The following PTPRJ variants were observed in gnomAD, a reference collection of about 807,000 sequenced individuals.
PTPRJ encodes receptor-type tyrosine-protein phosphatase eta.
Under a neutral mutation model 141.3 loss-of-function variants are expected in PTPRJ, and 129 were observed. The observed-to-expected ratio is 0.91, with a 90% CI of 0.79 to 1.06. PTPRJ has a LOEUF of 1.06. Ranked by LOEUF, PTPRJ falls within the 50% of genes least tolerant of loss-of-function variation. PTPRJ has a pLI of 0.00. For missense variants in PTPRJ, 1,601 were observed against 1,679.7 expected (o/e 0.95, Z 0.82); for synonymous variants, 610 against 640.5 (o/e 0.95, Z 0.72).
rs776211910 is a variant in PTPRJ at position 48,112,910 on chromosome 11, C to T, written c.279C>T (p.Asn93=). ...TSEDGESSGA[N]DSLRTPEQGS... ...AGGATGGTGAAAGCTCTGGAGCCAA[C>T]GATAGTTTAAGAACACCTGAACAAG... Residue 93 remains asparagine, a synonymous_variant, in exon 3 of 25, where the codon AAC becomes AAT. Transcript: ENST00000418331. 4.3e-6 allele frequency: 7 copies of T among 1,614,086 alleles called. No individual in the cohort carries two copies. Among genetic ancestry groups the T allele is most frequent in the East Asian group, 2.2e-5 (1 of 44,882 alleles).
intron 1 of PTPRJ, among the ~76,000 whole-genome samples, chr11:48,023,654 C>T (rs148887694): frequency 0.064 from 9,669 of 151,840 alleles, 340 homozygotes; most frequent in African/African-American, 0.093. Context: ...TGGTGGTGCG[C>T]GCCTGTAGTC....
chr11:47,999,276 A>T (rs1004601449), intron 1 of PTPRJ, among the ~76,000 whole-genome samples: 1 of 152,222 alleles, frequency 6.6e-6, no homozygotes, highest in East Asian at 1.9e-4. Context: ...AGCTGAGGAC[A>T]CTGAGGCCCA....
intron 22 of PTPRJ, among the ~76,000 whole-genome samples, chr11:48,161,127 G>T (rs1204911310): frequency 7.5e-6 from 1 of 133,698 alleles, no homozygotes; most frequent in Non-Finnish European, 1.5e-5. Flanking sequence ...GCAGTGAACC[G>T]AGATTGTGCC....
intron 15 of PTPRJ, among the ~76,000 whole-genome samples, chr11:48,148,440 A>ATT (rs879923314): frequency 1.0e-4 from 15 of 143,966 alleles, no homozygotes; most frequent in African/African-American, 3.6e-4. Context: ...TTTCATCACA[A>ATT]TTTTTTTTTT....
intron 3 of PTPRJ, among the ~76,000 whole-genome samples, chr11:48,119,461 T>C (rs1011159028): frequency 1.3e-5 from 2 of 152,280 alleles, no homozygotes; most frequent in South Asian, 4.1e-4. Context: ...TGCAGTGGTG[T>C]GATCTTGGTT....
intron 1 of PTPRJ, among the ~76,000 whole-genome samples, chr11:47,997,537 T>C (rs1479401850): frequency 6.6e-6 from 1 of 152,210 alleles, no homozygotes; most frequent in African/African-American, 2.4e-5. Flanking sequence ...TCTGGGCATC[T>C]AGGTGTCGAG....
chr11:47,999,488 C>T (rs1444780842), intron 1 of PTPRJ, among the ~76,000 whole-genome samples: 2 of 152,216 alleles, frequency 1.3e-5, no homozygotes, highest in Non-Finnish European at 2.9e-5. Flanking sequence ...ACTTAGACCA[C>T]TGAGGTAGAA....
chr11:48,082,503 T>A (rs1855588045), intron 1 of PTPRJ, among the ~76,000 whole-genome samples: 1 of 151,368 alleles, frequency 6.6e-6, no homozygotes, highest in Admixed American at 6.6e-5. Flanking sequence ...GCAGCCTCTG[T>A]CTCCTGGGCT....
intron 1 of PTPRJ, among the ~76,000 whole-genome samples, chr11:48,048,051 C>T (rs138198756): frequency 1.5e-3 from 222 of 152,198 alleles, no homozygotes; most frequent in African/African-American, 4.8e-3. Context: ...TTTCAGTTGT[C>T]GTTGTCCATG....
chr11:48,115,804 C>G (rs940545364), intron 3 of PTPRJ, among the ~76,000 whole-genome samples: 1 of 152,052 alleles, frequency 6.6e-6, no homozygotes, highest in Non-Finnish European at 1.5e-5. Context: ...GGGGAATGGA[C>G]TAGAAGTGTA....
intron 13 of PTPRJ, 55 bp downstream of exon 13, chr11:48,144,940 C>T: frequency 6.2e-7 from 1 of 1,614,078 alleles, no homozygotes; most frequent in Non-Finnish European, 8.5e-7. Context: ...GCATAAAGCT[C>T]TACATGCCTG....
intron 1 of PTPRJ, among the ~76,000 whole-genome samples, chr11:47,994,664 C>A (rs1854283132): frequency 6.6e-6 from 1 of 150,712 alleles, no homozygotes; most frequent in African/African-American, 2.5e-5. Flanking sequence ...GATTCTGTCT[C>A]AAAAAAATAA....
intron 10 of PTPRJ, among the ~76,000 whole-genome samples, chr11:48,139,219 G>A (rs1003952141): frequency 6.6e-6 from 1 of 152,214 alleles, no homozygotes; most frequent in Non-Finnish European, 1.5e-5. Flanking sequence ...CTCTCATGGA[G>A]CCCTGGTCTC....
chr11:48,038,178 C>T (rs1332880732), intron 1 of PTPRJ, among the ~76,000 whole-genome samples: 1 of 152,134 alleles, frequency 6.6e-6, no homozygotes, highest in Admixed American at 6.6e-5. Context: ...CTTGGGCTGC[C>T]ATTCCTGCAG....
At chr11:48,166,622 G>A (rs1033132532) in intron 24 of PTPRJ, among the ~76,000 whole-genome samples, 11 of 152,098 alleles carry the variant, frequency 7.2e-5, no homozygotes, top group Admixed American at 7.2e-4. Context: ...GCCAGATCCT[G>A]TTTTATGTAT....
intron 1 of PTPRJ, among the ~76,000 whole-genome samples, chr11:47,998,970 A>AAGCC (rs1854420326): frequency 6.6e-6 from 1 of 152,222 alleles, no homozygotes; most frequent in Non-Finnish European, 1.5e-5. Context: ...GACTAGCCTC[A>AAGCC]AGCCAGCTGA....
At chr11:48,114,549 C>T (rs1368875457) in intron 3 of PTPRJ, among the ~76,000 whole-genome samples, 2 of 150,580 alleles carry the variant, frequency 1.3e-5, no homozygotes, top group African/African-American at 4.9e-5. Flanking sequence ...CCAGAAATCA[C>T]TGGACAGGCT....
In PTPRJ at chr11:48,159,966, C is replaced by G. The variant is rs183290463; in HGVS notation, c.3475C>G (p.Gln1159Glu). 9.3e-6 allele frequency: 15 copies of G among 1,613,940 alleles called. No homozygotes were observed. The highest frequency in any genetic ancestry group is 1.3e-5 in the Non-Finnish European group (15 of 1,179,884). The change falls in exon 22 of 25, where the codon CAG (glutamine) becomes GAG (glutamate). Residue 1159 changes from glutamine to glutamate, a missense_variant. Transcript: ENST00000418331. Reference sequence around the variant, plus strand: ...GGAGTATTGGCCCTCCAAGCAGGCTCAGGACTATGGAGACATAACTGTGGC... The same window carrying G: ...GGAGTATTGGCCCTCCAAGCAGGCTGAGGACTATGGAGACATAACTGTGGC... Reference protein sequence around the residue: ...CEEYWPSKQAQDYGDITVAMT... With the variant: ...CEEYWPSKQAEDYGDITVAMT...
At chr11:48,046,972 A>G (rs1204420537) in intron 1 of PTPRJ, among the ~76,000 whole-genome samples, 16 of 137,818 alleles carry the variant, frequency 1.2e-4, no homozygotes, top group Admixed American at 7.1e-4. Flanking sequence ...CTGGAGCGCA[A>G]TGGTGTGATC....
Sources: gnomAD v4.1 joint callset for allele counts (sites outside exome capture counted in the v4.1 genomes callset) on GRCh38, gnomAD v4.1.1 for gene constraint, MANE v1.5 for transcripts, NCBI Gene and HGNC (gene_info 2026-07-23, HGNC 2026-07-21) for gene names.